GLP2R: variants seen among roughly 807,000 people sequenced by gnomAD.
GLP2R encodes the protein glucagon-like peptide 2 receptor.
Under a neutral mutation model 68.2 loss-of-function variants are expected in GLP2R, and 59 were observed. That is an observed-to-expected ratio of 0.87 (90% CI 0.70 to 1.07). GLP2R has a LOEUF of 1.07. GLP2R is among the 50% of genes least tolerant of loss of function. GLP2R has a pLI of 0.00. For missense variants in GLP2R, 548 were observed against 677.4 expected, an observed-to-expected ratio of 0.81 and a Z score of 2.12; for synonymous variants, 270 against 265.4, an observed-to-expected ratio of 1.02 and a Z score of -0.17.
In GLP2R at chr17:9,889,648, G is replaced by A. The variant is rs1363363644; in HGVS notation, c.1605G>A (p.Glu535=). The stretch of plus-strand genomic sequence containing the variant: ...GCAGCAGCCTGTCCGAGTGCAGTGA[G>A]GGGGATGTCACCATGGCCAACACCA... ...PRGSSLSECS[E]GDVTMANTME... is the part of the protein sequence containing the mutation. Residue 535 remains glutamate (E), a synonymous_variant, in exon 13 of 13, where the codon GAG becomes GAA. Transcript: ENST00000262441. 5.0e-6 allele frequency: 8 copies of A among 1,609,872 alleles called. No individual in the cohort carries two copies. Among genetic ancestry groups the A allele is most frequent in the African/African-American group, 1.3e-5 (1 of 74,970 alleles).
At chr17:9,880,192 G>A (rs1037453498) in intron 10 of GLP2R, among the ~76,000 whole-genome samples, 186 bp from the exon 11 acceptor site, 2 of 152,190 alleles carry the variant, frequency 1.3e-5, no homozygotes, top group African/African-American at 2.4e-5. Context: ...TGCGTCAAGT[G>A]TAGGAACACA....
intron 7 of GLP2R, 89 bp from the exon 8 acceptor site, chr17:9,861,050 A>G (rs2039023947): frequency 2.3e-6 from 2 of 873,500 alleles, no homozygotes; most frequent in African/African-American, 3.3e-5. Context: ...TGTTGTAACC[A>G]CCTGTGGTTA....
At chr17:9,877,100 C>A (rs915207162) in intron 10 of GLP2R, among the ~76,000 whole-genome samples, 2 of 152,234 alleles carry the variant, frequency 1.3e-5, no homozygotes, top group African/African-American at 4.8e-5. Flanking sequence ...GGCCCAGATA[C>A]TCTTCCTGTG....
Position 9,850,839 on chromosome 17 carries a change from G to A in GLP2R, c.505-3656G>A, listed in dbSNP as rs780832663. 7.2e-5 allele frequency among the ~76,000 whole-genome samples: 11 copies of A among 151,940 alleles called. No individual in the cohort carries two copies. In the South Asian group the frequency reaches 8.3e-4, roughly 12 times the overall value. On this transcript the variant is annotated intron_variant, in intron 4 of 12. Coordinates refer to ENST00000262441, the MANE Select transcript of GLP2R (RefSeq NM_004246.3). ...CTCCTGAGTAGCTGGGAATACAGGC[G>A]CACACCACCATGCCCAGCTAATTTT...
chr17:9,832,494 G>A lies in GLP2R; in HGVS notation c.190-1313G>A, dbSNP rs145694485. Reference sequence around the variant, plus strand: ...GGAGAATCGCTTGAACCCAGGAGGCGGAGGTTGCAGTGAGCTGAGATAACG... The same window carrying A: ...GGAGAATCGCTTGAACCCAGGAGGCAGAGGTTGCAGTGAGCTGAGATAACG... On this transcript the variant is annotated intron_variant, in intron 1 of 12. Coordinates refer to ENST00000262441, the MANE Select transcript of GLP2R (RefSeq NM_004246.3). 7.1e-4 allele frequency among the ~76,000 whole-genome samples: 108 copies of A among 152,108 alleles called. No individual in the cohort carries two copies. In the East Asian group the frequency reaches 0.017, roughly 24 times the overall value.
rs572277941 is a variant in GLP2R, at chr17:9,860,692, A to G, written c.926-447A>G. ...ACCATCACTGGGGTAGGGCTTCAAC[A>G]TCTGACTTTTGAGAGGACACCTACA... On this transcript the variant is annotated intron_variant, in intron 7 of 12. Transcript: ENST00000262441. Among the ~76,000 whole-genome samples, 4 of 152,276 alleles carry G rather than the reference A, an allele frequency of 2.6e-5. No individual in the cohort carries two copies. The East Asian group carries it at 7.7e-4, about 29-fold the overall frequency.
intron 9 of GLP2R, among the ~76,000 whole-genome samples, 195 bp downstream of exon 9, chr17:9,862,285 A>T (rs1294799205): frequency 6.6e-6 from 1 of 152,174 alleles, no homozygotes; most frequent in Non-Finnish European, 1.5e-5. Context: ...GTTACATTGT[A>T]AGCCTCCTTC....
At chr17:9,850,655 T>C (rs557012595) in intron 4 of GLP2R, among the ~76,000 whole-genome samples, 3 of 151,598 alleles carry the variant, frequency 2.0e-5, no homozygotes, top group Non-Finnish European at 4.4e-5. Context: ...GCTTTATTTG[T>C]GCTAAGTGCT....
At chr17:9,841,435 C>T (rs887079211) in intron 3 of GLP2R, among the ~76,000 whole-genome samples, 6 of 151,944 alleles carry the variant, frequency 3.9e-5, no homozygotes, top group African/African-American at 1.5e-4. Context: ...GTGATGGTTC[C>T]ACAGGATGGA....
chr17:9,877,580 T>C (rs1210832204), intron 10 of GLP2R, among the ~76,000 whole-genome samples: 1 of 152,180 alleles, frequency 6.6e-6, no homozygotes, highest in Non-Finnish European at 1.5e-5. Flanking sequence ...GGCATGGTTA[T>C]GTAGTATGCT....
chr17:9,843,017 G>A (rs1318043902), intron 4 of GLP2R, among the ~76,000 whole-genome samples: 26 of 51,520 alleles, frequency 5.0e-4, no homozygotes, highest in African/African-American at 2.0e-3. Context: ...ACATCCCCCC[G>A]ACCCACCACC....
chr17:9,868,091 G>A (rs1266693679), intron 9 of GLP2R, among the ~76,000 whole-genome samples: 1 of 152,198 alleles, frequency 6.6e-6, no homozygotes, highest in African/African-American at 2.4e-5. Flanking sequence ...CAGAGCCTAG[G>A]TAACTTACTG....
intron 4 of GLP2R, among the ~76,000 whole-genome samples, chr17:9,847,523 C>G (rs2066852079): frequency 1.3e-5 from 2 of 152,176 alleles, no homozygotes; most frequent in African/African-American, 2.4e-5. Flanking sequence ...CCGCCTCAGC[C>G]TCCCAAAGTG....
At chr17:9,837,730 G>A (rs1597377948) in intron 3 of GLP2R, among the ~76,000 whole-genome samples, 1 of 141,004 alleles carries the variant, frequency 7.1e-6, no homozygotes, top group Non-Finnish European at 1.5e-5. Context: ...TTCTGAAAGA[G>A]GAGAGAGGTG....
chr17:9,867,161 A>G (rs545304571), intron 9 of GLP2R, among the ~76,000 whole-genome samples: 1 of 152,306 alleles, frequency 6.6e-6, no homozygotes, highest in East Asian at 1.9e-4. Context: ...GGGAACATGG[A>G]TCAGAGGCTT....
At chr17:9,877,070 A>G (rs78761021) in intron 10 of GLP2R, among the ~76,000 whole-genome samples, 32,684 of 152,220 alleles carry the variant, frequency 0.21, 4,667 homozygotes, top group Non-Finnish European at 0.32. Context: ...AATAATTGGC[A>G]ACACTGAGAT....
At chr17:9,852,418 T>A (rs976791366) in intron 4 of GLP2R, among the ~76,000 whole-genome samples, 3 of 152,210 alleles carry the variant, frequency 2.0e-5, no homozygotes, top group Non-Finnish European at 4.4e-5. Flanking sequence ...TTTTTATGGC[T>A]GCATAGTATT....
chr17:9,838,642 A>G (rs888034159), intron 3 of GLP2R, among the ~76,000 whole-genome samples: 2 of 152,218 alleles, frequency 1.3e-5, no homozygotes, highest in African/African-American at 2.4e-5. Context: ...TTAAAAAAAA[A>G]ATAGGTTTTG....
At chr17:9,839,670 C>T (rs574094088) in intron 3 of GLP2R, among the ~76,000 whole-genome samples, 4 of 152,276 alleles carry the variant, frequency 2.6e-5, no homozygotes, top group East Asian at 1.9e-4. Context: ...CCCAGCATCA[C>T]GACTCCTACA....
Sources: allele counts gnomAD v4.1 joint callset (sites outside exome capture counted in the v4.1 genomes callset), GRCh38; gene constraint gnomAD v4.1.1; transcripts MANE v1.5; gene names NCBI Gene and HGNC (gene_info 2026-07-23, HGNC 2026-07-21).